NEK11: variants seen among roughly 807,000 people sequenced by gnomAD.
NEK11 encodes the protein NIMA related kinase 11.
In NEK11, 72 loss-of-function variants were observed where a neutral mutation model predicts 80.7. The observed-to-expected ratio is 0.89, with a 90% CI of 0.74 to 1.08. NEK11 has a LOEUF of 1.08. Ranked by LOEUF, NEK11 falls within the 50% of genes least tolerant of loss-of-function variation. NEK11 has a pLI of 0.00. For synonymous variants in NEK11, 251 were observed against 260.7 expected (o/e 0.96, Z 0.36); for missense variants, 764 against 763.6 (o/e 1.00, Z -0.01).
chr3:131,148,699 T>TAAAGGG (rs989884802), intron 7 of NEK11, among the ~76,000 whole-genome samples: 1 of 151,046 alleles, frequency 6.6e-6, no homozygotes, highest in African/African-American at 2.4e-5. Flanking sequence ...TTATTATTTT[T>TAAAGGG]AACTTTTATT....
chr3:131,251,363 G>C (rs960554265), intron 16 of NEK11, among the ~76,000 whole-genome samples: 1 of 151,964 alleles, frequency 6.6e-6, no homozygotes, highest in Non-Finnish European at 1.5e-5. Flanking sequence ...TTTAAAAAGA[G>C]GTAAGTGTTG....
At chr3:131,125,196 A>G (rs1204753428) in intron 5 of NEK11, among the ~76,000 whole-genome samples, 4 of 152,252 alleles carry the variant, frequency 2.6e-5, no homozygotes, top group Middle Eastern at 6.8e-3. Flanking sequence ...GGCCCGGTTG[A>G]GTTTCTGCCC....
intron 16 of NEK11, among the ~76,000 whole-genome samples, chr3:131,262,523 T>C (rs909020764): frequency 6.6e-6 from 1 of 152,214 alleles, no homozygotes; most frequent in Non-Finnish European, 1.5e-5. Context: ...CTTCTTTTTC[T>C]TGCCCAATTT....
intron 3 of NEK11, among the ~76,000 whole-genome samples, chr3:131,049,433 C>G (rs1041276825): frequency 2.6e-5 from 4 of 152,214 alleles, no homozygotes; most frequent in African/African-American, 7.2e-5. Context: ...TATCCTAAGA[C>G]TTAGCCCACT....
chr3:131,244,198 C>T (rs2095562066), intron 16 of NEK11, among the ~76,000 whole-genome samples: 1 of 151,904 alleles, frequency 6.6e-6, no homozygotes, highest in Non-Finnish European at 1.5e-5. Context: ...TAAAAACAAA[C>T]AATTAAGTTT....
intron 17 of NEK11, among the ~76,000 whole-genome samples, chr3:131,297,020 C>T (rs1384352245): frequency 6.6e-6 from 1 of 152,148 alleles, no homozygotes; most frequent in Non-Finnish European, 1.5e-5. Flanking sequence ...CATAGTATTC[C>T]ATGGTGTATA....
intron 13 of NEK11, 52 bp downstream of exon 13, chr3:131,168,989 C>T: frequency 7.2e-7 from 1 of 1,390,724 alleles, no homozygotes; most frequent in Non-Finnish European, 1.0e-6. Flanking sequence ...TTAATGATAT[C>T]CAGAGAACAA....
At chr3:131,166,412 C>T (rs1195234922) in intron 12 of NEK11, among the ~76,000 whole-genome samples, 1 of 152,202 alleles carries the variant, frequency 6.6e-6, no homozygotes. Flanking sequence ...TGCAGGAGAC[C>T]TCACCCTCAG....
chr3:131,154,950 A>G (rs2149839413), intron 9 of NEK11, 86 bp from the exon 10 acceptor site: 1 of 819,148 alleles, frequency 1.2e-6, no homozygotes, highest in East Asian at 2.5e-5. Context: ...AAAGCACCCC[A>G]AATCTGAAAA....
At chr3:131,032,496 G>A (rs1319691100) in intron 3 of NEK11, among the ~76,000 whole-genome samples, 1 of 152,078 alleles carries the variant, frequency 6.6e-6, no homozygotes, top group African/African-American at 2.4e-5. Flanking sequence ...ACTACGTGCC[G>A]ACCTTTGTAG....
At chr3:131,329,883 A>G (rs1323714111) in intron 17 of NEK11, 2 of 152,340 alleles carry the variant, frequency 1.3e-5, no homozygotes, top group Non-Finnish European at 2.9e-5. Context: ...ATATGATTGG[A>G]TATTGTATAC....
At chr3:131,121,810 G>A (rs2082430277) in intron 5 of NEK11, among the ~76,000 whole-genome samples, 1 of 152,236 alleles carries the variant, frequency 6.6e-6, no homozygotes, top group African/African-American at 2.4e-5. Context: ...ATCTCCTGGT[G>A]TGCCATTTGC....
chr3:131,202,093 A>G (rs970231512), intron 14 of NEK11, among the ~76,000 whole-genome samples: 2 of 152,160 alleles, frequency 1.3e-5, no homozygotes, highest in Non-Finnish European at 2.9e-5. Flanking sequence ...TTGGACTCCC[A>G]AAGTGCTGGG....
intron 14 of NEK11, among the ~76,000 whole-genome samples, chr3:131,205,215 T>TAAA (rs2094408622): frequency 6.6e-6 from 1 of 152,226 alleles, no homozygotes; most frequent in Admixed American, 6.5e-5. Context: ...TGGATAGGGC[T>TAAA]AGATCAAATT....
chr3:131,224,775 T>C (rs2095139562), intron 14 of NEK11, among the ~76,000 whole-genome samples: 1 of 152,100 alleles, frequency 6.6e-6, no homozygotes, highest in African/African-American at 2.4e-5. Flanking sequence ...TGTATGTTTG[T>C]GTCTTCATTT....
rs1317185206 is a variant in NEK11 at position 131,350,085 on chromosome 3, C to G, written c.*309C>G. On this transcript the variant is annotated 3_prime_UTR_variant, in exon 18 of 18. Transcript: ENST00000383366. ...CAGGATTGAGTCACCCTGACGATGA[C>G]CGGGGAGAAGCCGTGTGCTCTTCAT... The G allele has an allele frequency of 2.3e-5, 7 of 305,534 alleles. No homozygotes were observed. The highest frequency in any genetic ancestry group is 1.5e-4 in the African/African-American group (7 of 45,654). The allele number at this position is 305,534 out of a possible 1,614,324, so 18.9% of individuals were successfully genotyped here. A position where few individuals can be genotyped will look rare whatever the true frequency, so the allele number is the denominator to read the frequency against.
At chr3:131,184,446 G>A (rs1434455317) in intron 14 of NEK11, among the ~76,000 whole-genome samples, 1 of 152,194 alleles carries the variant, frequency 6.6e-6, no homozygotes, top group Non-Finnish European at 1.5e-5. Flanking sequence ...GACCATGTCC[G>A]TCTTGCTCAC....
At chr3:131,096,809 T>A (rs1345919329) in intron 4 of NEK11, among the ~76,000 whole-genome samples, 3 of 151,930 alleles carry the variant, frequency 2.0e-5, no homozygotes, top group African/African-American at 7.3e-5. Flanking sequence ...TATGTATACA[T>A]GTACCATGCT....
intron 16 of NEK11, among the ~76,000 whole-genome samples, chr3:131,246,689 A>T (rs957293177): frequency 1.3e-4 from 20 of 152,222 alleles, no homozygotes; most frequent in African/African-American, 4.3e-4. Flanking sequence ...TAATTTTCAT[A>T]CTGTTTTCCA....
Sources: allele counts gnomAD v4.1 joint callset (sites outside exome capture counted in the v4.1 genomes callset), GRCh38; gene constraint gnomAD v4.1.1; transcripts MANE v1.5; gene names NCBI Gene and HGNC (gene_info 2026-07-23, HGNC 2026-07-21).